The following OPCML variants were observed in gnomAD, a reference collection of about 807,000 sequenced individuals.
The protein encoded by OPCML is opioid-binding protein/cell adhesion molecule.
In OPCML, 13 loss-of-function variants were observed where a neutral mutation model predicts 37.8. That is an observed-to-expected ratio of 0.34 (90% CI 0.22 to 0.55). The LOEUF (loss-of-function observed/expected upper bound fraction) is 0.55, where lower values mean the gene tolerates loss of function less well. Among genes scored for constraint, OPCML ranks in the 20% least tolerant of loss-of-function variants. OPCML has a pLI of 0.91. For synonymous variants in OPCML, 176 were observed against 168.8 expected, an observed-to-expected ratio of 1.04 and a Z score of -0.33; for missense variants, 341 against 435.6, an observed-to-expected ratio of 0.78 and a Z score of 1.93.
chr11:133,230,293 C>T (rs1469406666), intron 1 of OPCML, among the ~76,000 whole-genome samples: 1 of 152,192 alleles, frequency 6.6e-6, no homozygotes, highest in East Asian at 1.9e-4. Flanking sequence ...GCTGGTGGGG[C>T]TCATGGGCAG....
intron 2 of OPCML, among the ~76,000 whole-genome samples, chr11:132,749,668 A>G (rs968946371): frequency 6.6e-6 from 1 of 152,172 alleles, no homozygotes; most frequent in East Asian, 1.9e-4. Flanking sequence ...CCAGGGGTAC[A>G]GTAAAGACAG....
chr11:132,605,400 A>T (rs1442020494), intron 3 of OPCML, among the ~76,000 whole-genome samples: 2 of 139,226 alleles, frequency 1.4e-5, no homozygotes, highest in Admixed American at 7.1e-5. Flanking sequence ...TACTAAAAAT[A>T]AAAAAAAAAA....
intron 3 of OPCML, among the ~76,000 whole-genome samples, chr11:132,570,801 A>ATT (rs10673962): frequency 9.7e-6 from 1 of 103,048 alleles, no homozygotes; most frequent in African/African-American, 4.1e-5. Flanking sequence ...ATATATATAT[A>ATT]TTTAGAGAGA....
At chr11:133,376,435 T>C (rs1944805278) in intron 1 of OPCML, among the ~76,000 whole-genome samples, 1 of 152,124 alleles carries the variant, frequency 6.6e-6, no homozygotes, top group Non-Finnish European at 1.5e-5. Flanking sequence ...CTATGGATGA[T>C]TTGTGGAAGG....
At chr11:132,846,097 C>T (rs1000974415) in intron 2 of OPCML, among the ~76,000 whole-genome samples, 12 of 152,194 alleles carry the variant, frequency 7.9e-5, no homozygotes, top group African/African-American at 2.7e-4. Context: ...CATAAAGCAT[C>T]AAACACTCGG....
At chr11:133,256,053 T>A (rs959440577) in intron 1 of OPCML, among the ~76,000 whole-genome samples, 3 of 152,254 alleles carry the variant, frequency 2.0e-5, no homozygotes, top group Non-Finnish European at 2.9e-5. Context: ...AAGGCTATAA[T>A]AACTTTATCA....
chr11:133,216,128 C>T (rs750271), intron 1 of OPCML, among the ~76,000 whole-genome samples: 26,827 of 152,144 alleles, frequency 0.18, 4,122 homozygotes, highest in African/African-American at 0.41. Flanking sequence ...GTGCAGCCCT[C>T]ATCTGACTTC....
rs183486878 is a variant in OPCML at position 133,456,761 on chromosome 11, G to A, written c.61+75503C>T. Among the ~76,000 whole-genome samples the A allele has an allele frequency of 2.8e-3, 412 of 149,536 alleles. 3 individuals carry two copies. The highest frequency in any genetic ancestry group is 8.3e-3 in the African/African-American group (332 of 39,874). ...AACAAACAAATAGAAATTCTGCAGC[G>A]TGGCTGTCCCAATCAGACCAAAAAA... On this transcript the variant is annotated intron_variant, in intron 1 of 7. Transcript: ENST00000524381.
intron 2 of OPCML, among the ~76,000 whole-genome samples, chr11:132,760,614 G>A (rs1425392928): frequency 6.7e-6 from 1 of 150,098 alleles, no homozygotes; most frequent in African/African-American, 2.5e-5. Context: ...CAGAGACTAG[G>A]ATTGCAACAT....
chr11:132,440,490 G>A (rs535803112), intron 4 of OPCML, among the ~76,000 whole-genome samples: 1 of 152,242 alleles, frequency 6.6e-6, no homozygotes, highest in East Asian at 1.9e-4. Context: ...CGCGCTGTTC[G>A]TGGGCTCTCT....
intron 1 of OPCML, among the ~76,000 whole-genome samples, chr11:132,989,347 T>A (rs1407484850): frequency 1.3e-5 from 2 of 152,124 alleles, no homozygotes; most frequent in African/African-American, 2.4e-5. Flanking sequence ...AAACTATGGA[T>A]AATCTTGGAA....
chr11:133,305,454 A>T (rs1942892258), intron 1 of OPCML, among the ~76,000 whole-genome samples: 1 of 152,238 alleles, frequency 6.6e-6, no homozygotes, highest in African/African-American at 2.4e-5. Context: ...ATATCATAAA[A>T]TACAGGAAGT....
intron 1 of OPCML, among the ~76,000 whole-genome samples, chr11:133,031,532 T>G (rs944623310): frequency 6.7e-6 from 1 of 148,770 alleles, no homozygotes; most frequent in African/African-American, 2.5e-5. Flanking sequence ...GATGGATGGA[T>G]GGTTGGATGG....
At chr11:132,463,846 A>T (rs73585029) in intron 4 of OPCML, among the ~76,000 whole-genome samples, 18,495 of 152,164 alleles carry the variant, frequency 0.12, 3,318 homozygotes, top group African/African-American at 0.39. Flanking sequence ...GACTATTGCT[A>T]GTCTAGCTAC....
chr11:133,152,646 G>A (rs988842704), intron 1 of OPCML, among the ~76,000 whole-genome samples: 5 of 152,062 alleles, frequency 3.3e-5, no homozygotes, highest in East Asian at 3.9e-4. Flanking sequence ...TAATCTGGGA[G>A]TGTTCACGTG....
At chr11:132,873,191 C>G (rs1205983072) in intron 2 of OPCML, among the ~76,000 whole-genome samples, 1 of 152,158 alleles carries the variant, frequency 6.6e-6, no homozygotes, top group Non-Finnish European at 1.5e-5. Flanking sequence ...CAGTCATTTT[C>G]CAAGCTGGGC....
intron 1 of OPCML, among the ~76,000 whole-genome samples, chr11:133,226,702 A>G (rs1432157625): frequency 6.6e-6 from 1 of 152,204 alleles, no homozygotes; most frequent in Non-Finnish European, 1.5e-5. Flanking sequence ...AATGGGACCA[A>G]TTCAATTTTT....
intron 1 of OPCML, among the ~76,000 whole-genome samples, chr11:133,335,451 C>G (rs137904413): frequency 2.0e-5 from 3 of 152,252 alleles, no homozygotes; most frequent in East Asian, 1.9e-4. Flanking sequence ...TGCGTCACCC[C>G]TGGAGGCTGC....
intron 3 of OPCML, among the ~76,000 whole-genome samples, chr11:132,632,143 A>T (rs1394394952): frequency 6.6e-6 from 1 of 151,852 alleles, no homozygotes; most frequent in Non-Finnish European, 1.5e-5. Flanking sequence ...TTAAAAAAAA[A>T]AAAAAAGAAA....
Sources: gnomAD v4.1 joint callset for allele counts (sites outside exome capture counted in the v4.1 genomes callset) on GRCh38, gnomAD v4.1.1 for gene constraint, MANE v1.5 for transcripts, NCBI Gene and HGNC (gene_info 2026-07-23, HGNC 2026-07-21) for gene names.